TKFC: variants seen among roughly 807,000 people sequenced by gnomAD.
TKFC encodes triokinase/FMN cyclase.
A neutral mutation model predicts 61.0 loss-of-function variants in TKFC; 46 were observed. The observed-to-expected ratio is 0.75, with a 90% CI of 0.60 to 0.96. The LOEUF (loss-of-function observed/expected upper bound fraction) is 0.96, where lower values mean the gene tolerates loss of function less well. Among genes scored for constraint, TKFC ranks in the 50% least tolerant of loss-of-function variants. The probability of loss-of-function intolerance (pLI) is 0.00; values close to 1 mark genes in which losing one functional copy is unlikely to be tolerated. For missense variants in TKFC, 715 were observed against 777.5 expected (o/e 0.92, Z 0.96); for synonymous variants, 314 against 330.1 (o/e 0.95, Z 0.53).
chr11:61,336,307 G>A lies in TKFC; in HGVS notation c.3+1576G>A, dbSNP rs117666757. 532 of 154,576 alleles carry A rather than the reference G, an allele frequency of 3.4e-3. 1 individual carries two copies. Among genetic ancestry groups the A allele is most frequent in the Middle Eastern group, 0.01 (20 of 1,918 alleles). 9.6% of individuals were successfully genotyped at this position (154,576 alleles called of 1,614,324 possible). A position where few individuals can be genotyped will look rare whatever the true frequency, so the allele number is the denominator to read the frequency against. The stretch of plus-strand genomic sequence containing the variant: ...CCAAATTTTGTACAAAGGAGCTGGT[G>A]CTAGCAAGCTCAGGAAGAAGCCACA... On this transcript the variant is annotated intron_variant, in intron 2 of 17. Transcript: ENST00000394900.
Position 61,333,333 on chromosome 11 carries a change from C to CG in TKFC, c.-110+5dup. The CG allele has an allele frequency of 5.5e-6, 1 of 183,458 alleles. No homozygotes were observed. The highest frequency in any genetic ancestry group is 1.1e-5 in the Non-Finnish European group (1 of 88,624). 11.4% of individuals were successfully genotyped at this position (183,458 alleles called of 1,614,324 possible). A position where few individuals can be genotyped will look rare whatever the true frequency, so the allele number is the denominator to read the frequency against. On this transcript the variant is annotated splice_donor_region_variant and intron_variant, in intron 1 of 17. Coordinates refer to ENST00000394900, the MANE Select transcript of TKFC (RefSeq NM_015533.4). ...CGGCCGTGAGCCGGCGGGGGAGGTG[C>CG]GCCAGTGTCCTCCGAGCTCGCCCGC...
Position 61,347,168 on chromosome 11 carries a change from G to C in TKFC, c.*665G>C. The C allele has an allele frequency of 1.0e-6, 1 of 985,432 alleles. No homozygotes were observed. Among genetic ancestry groups the C allele is most frequent in the African/African-American group, 1.7e-5 (1 of 57,334 alleles). 61.0% of individuals were successfully genotyped at this position (985,432 alleles called of 1,614,324 possible). On this transcript the variant is annotated 3_prime_UTR_variant, in exon 18 of 18. Transcript: ENST00000394900. The stretch of plus-strand genomic sequence containing the variant: ...TTAGCATTGAATTAATAATTCAGTG[G>C]CTCCTCGGGAGTCGAATGGGCATTT...
rs369452491 is a variant in TKFC at position 61,334,704 on chromosome 11, C to T, written c.-25C>T. 8.7e-6 allele frequency: 14 copies of T among 1,613,982 alleles called. No homozygotes were observed. Among genetic ancestry groups the T allele is most frequent in the African/African-American group, 1.3e-5 (1 of 74,924 alleles). On this transcript the variant is annotated 5_prime_UTR_variant, in exon 2 of 18. Transcript: ENST00000394900. ...GCAGCTCAGTGCAACGGTGTGAACT[C>T]AGCCTGTTTCAGAGCCTCCACACCA...
intron 10 of TKFC, chr11:61,343,067 T>C: frequency 1.6e-6 from 1 of 618,990 alleles, no homozygotes; most frequent in Non-Finnish European, 2.8e-6. Context: ...GAGGATTAAG[T>C]GAGATTAAAC....
At position 61,342,814 on chromosome 11, in the gene TKFC, A is replaced by G; in HGVS notation, c.835A>G (p.Ile279Val). The G allele has an allele frequency of 6.2e-7, 1 of 1,613,996 alleles. No individual in the cohort carries two copies. The highest frequency in any genetic ancestry group is 8.5e-7 in the Non-Finnish European group (1 of 1,180,012). ...TGGCCTGTCATTCCTGGAACTGGGC[A>G]TCATAGCCGACGCTACCGTCCGCTC... ...LGGLSFLELG[I>V]IADATVRSLE... Residue 279 changes from isoleucine (I) to valine (V), a missense_variant, in exon 10 of 18, where the codon ATC becomes GTC. Coordinates refer to ENST00000394900, the MANE Select transcript of TKFC (RefSeq NM_015533.4).
chr11:61,346,337 ACCCC>A lies in TKFC; in HGVS notation c.1576-13_1576-10del, dbSNP rs760999530. 6.2e-7 allele frequency: 1 copy of A among 1,611,814 alleles called. No homozygotes were observed. Among genetic ancestry groups the A allele is most frequent in the African/African-American group, 1.3e-5 (1 of 75,024 alleles). On this transcript the variant is annotated splice_polypyrimidine_tract_variant and intron_variant, in intron 17 of 17. Coordinates refer to ENST00000394900, the MANE Select transcript of TKFC (RefSeq NM_015533.4). The surrounding 1 kb of genome is among the most constrained non-coding windows in gnomAD (Gnocchi z 4.1). The stretch of plus-strand genomic sequence containing the variant: ...GATCTGCCCTTGAACCTGCTCCCAC[ACCCC>A]ATCCCCCAGAGTGCCGAAGCTGCAG...
chr11:61,349,743 G>A (rs2290387), downstream of TKFC: 13 of 671,272 alleles, frequency 1.9e-5, no homozygotes, highest in African/African-American at 3.5e-5. Flanking sequence ...CAGAAGCTGC[G>A]TGGGCCGCCA....
At chr11:61,349,732 G>A (rs1354783421), downstream of TKFC, 5 of 680,538 alleles carry the variant, frequency 7.3e-6, no homozygotes, top group Non-Finnish European at 1.4e-5. Context: ...CAGCTCCTCA[G>A]CAGAAGCTGC....
At chr11:61,350,829 G>A (rs145346084), downstream of TKFC, 3,065 of 1,011,520 alleles carry the variant, frequency 3.0e-3, 11 homozygotes, top group Admixed American at 3.7e-3. Flanking sequence ...GCTGGTTTGG[G>A]ACCAGTGCTC....
chr11:61,342,228 C>T (rs1438571423), intron 7 of TKFC: 2 of 624,480 alleles, frequency 3.2e-6, no homozygotes, highest in Non-Finnish European at 5.6e-6. Flanking sequence ...GGCTGCAAAG[C>T]TTTCTTTCCT....
downstream of TKFC, chr11:61,349,718 C>T (rs546689340): frequency 7.3e-6 from 5 of 689,392 alleles, no homozygotes; most frequent in Non-Finnish European, 1.3e-5. Flanking sequence ...CAGCTCAGAG[C>T]GGTCAGCTCC....
At chr11:61,339,472 C>G (rs1487358386) in intron 5 of TKFC, 37 bp downstream of exon 5, 1 of 1,563,980 alleles carries the variant, frequency 6.4e-7, no homozygotes. Flanking sequence ...CTGGCCAGCC[C>G]TTTCCAGCCT....
rs1388691322 is a variant in TKFC at position 61,349,095 on chromosome 11, C to A, written c.*2592C>A. The A allele has an allele frequency of 5.6e-6, 1 of 178,098 alleles. No homozygotes were observed. The highest frequency in any genetic ancestry group is 2.3e-5 in the African/African-American group (1 of 42,936). 11.0% of individuals were successfully genotyped at this position (178,098 alleles called of 1,614,324 possible). ...TCACTTGCTTACTAAGCACAGCAGT[C>A]TGAAGCTTGGGACCTGGCAGTGCGT... is the stretch of plus-strand genomic sequence containing the variant. On this transcript the variant is annotated 3_prime_UTR_variant, in exon 18 of 18. Coordinates refer to ENST00000394900, the MANE Select transcript of TKFC (RefSeq NM_015533.4).
chr11:61,343,798 C>T, intron 11 of TKFC, 58 bp from the exon 12 acceptor site: 1 of 1,573,840 alleles, frequency 6.4e-7, no homozygotes. Flanking sequence ...AGGGTCCAAG[C>T]CCTGCTGAAT....
chr11:61,349,321 C>T (rs187383096), downstream of TKFC: 638 of 520,992 alleles, frequency 1.2e-3, 7 homozygotes, highest in Admixed American at 0.018. Context: ...CTGAAGGTGG[C>T]AGTGGCTCCC....
chr11:61,339,571 A>G (rs932308090), intron 5 of TKFC, 136 bp downstream of exon 5: 1 of 1,023,766 alleles, frequency 9.8e-7, no homozygotes, highest in Non-Finnish European at 1.4e-6. Context: ...CTGATCTCAG[A>G]AGGCCCCGCC....
At chr11:61,334,869 C>G (rs1213187153) in intron 2 of TKFC, 138 bp downstream of exon 2, 8 of 1,265,578 alleles carry the variant, frequency 6.3e-6, no homozygotes, top group Admixed American at 2.0e-5. Flanking sequence ...GAGAGAGGGT[C>G]ATCCTCTCTC....
chr11:61,350,897 G>A, downstream of TKFC: 3 of 1,494,376 alleles, frequency 2.0e-6, no homozygotes, highest in Non-Finnish European at 2.7e-6. Context: ...GTGCCACAGG[G>A]TAAGTCTTCT....
At chr11:61,339,574 G>T in intron 5 of TKFC, 139 bp downstream of exon 5, 2 of 994,284 alleles carry the variant, frequency 2.0e-6, no homozygotes, top group South Asian at 3.5e-5. Context: ...ATCTCAGAAG[G>T]CCCCGCCATC....
Sources: gnomAD v4.1 joint callset for allele counts on GRCh38, gnomAD v4.1.1 for gene constraint, Gnocchi (gnomAD v3.1) non-coding constraint, MANE v1.5 for transcripts, NCBI Gene and HGNC (gene_info 2026-07-23, HGNC 2026-07-21) for gene names.